The following NPAS3 variants were observed in gnomAD, a reference collection of about 807,000 sequenced individuals.
The protein encoded by NPAS3 is neuronal PAS domain protein 3.
Under a neutral mutation model 73.1 loss-of-function variants are expected in NPAS3, and 14 were observed. The observed-to-expected ratio is 0.19, with a 90% confidence interval of 0.13 to 0.30. The LOEUF is 0.30. Among genes scored for constraint, NPAS3 ranks in the 10% least tolerant of loss-of-function variants. The pLI, the probability that NPAS3 is intolerant of heterozygous loss-of-function variation, is 1.00. For synonymous variants in NPAS3, 620 were observed against 541.5 expected (o/e 1.14, Z -2.01); for missense variants, 1,096 against 1,250.0 (o/e 0.88, Z 1.86).
chr14:33,587,155 T>C (rs1160350028), intron 5 of NPAS3, among the ~76,000 whole-genome samples: 1 of 152,222 alleles, frequency 6.6e-6, no homozygotes, highest in Non-Finnish European at 1.5e-5. Context: ...TTGTGCCCTT[T>C]ATTCTTCTCC....
At chr14:33,757,733 T>C (rs2062159859) in intron 7 of NPAS3, among the ~76,000 whole-genome samples, 1 of 152,140 alleles carries the variant, frequency 6.6e-6, no homozygotes, top group Non-Finnish European at 1.5e-5. Flanking sequence ...CCAAGAGAAG[T>C]GATGCACTCC....
chr14:33,330,814 G>A (rs1327123474), intron 3 of NPAS3, among the ~76,000 whole-genome samples: 1 of 152,194 alleles, frequency 6.6e-6, no homozygotes, highest in East Asian at 1.9e-4. Flanking sequence ...ATTTGTTTGT[G>A]AGGACAAAGA....
intron 1 of NPAS3, among the ~76,000 whole-genome samples, chr14:32,998,133 T>C (rs1298120): frequency 0.33 from 49,673 of 152,046 alleles, 8,679 homozygotes; most frequent in African/African-American, 0.46. Flanking sequence ...GCCCAAATGC[T>C]CATCAACAGA....
chr14:33,329,908 T>C (rs2043903430), intron 3 of NPAS3, among the ~76,000 whole-genome samples: 5 of 152,250 alleles, frequency 3.3e-5, no homozygotes, highest in East Asian at 1.9e-4. Context: ...TCTGTAGCAA[T>C]GAGCAGTCTT....
intron 7 of NPAS3, among the ~76,000 whole-genome samples, chr14:33,746,727 G>A (rs2061811627): frequency 6.6e-6 from 1 of 151,580 alleles, no homozygotes; most frequent in Non-Finnish European, 1.5e-5. Flanking sequence ...AACAGTAGGT[G>A]AAAAAACATA....
At chr14:33,478,839 G>T (rs1410024420) in intron 4 of NPAS3, among the ~76,000 whole-genome samples, 1 of 152,156 alleles carries the variant, frequency 6.6e-6, no homozygotes, top group Non-Finnish European at 1.5e-5. Context: ...GAGGTCCAGG[G>T]TTGAAAAGCC....
chr14:33,774,610 T>C, intron 8 of NPAS3, 80 bp downstream of exon 8: 2 of 1,155,516 alleles, frequency 1.7e-6, no homozygotes, highest in Admixed American at 3.5e-5. Flanking sequence ...TGAAGGATGG[T>C]ACTCTCCCAG....
At chr14:33,566,258 T>A (rs974860910) in intron 5 of NPAS3, among the ~76,000 whole-genome samples, 9 of 151,758 alleles carry the variant, frequency 5.9e-5, no homozygotes, top group African/African-American at 2.2e-4. Flanking sequence ...GATGCATCAT[T>A]TGACTGCATG....
intron 3 of NPAS3, among the ~76,000 whole-genome samples, chr14:33,259,847 G>A (rs1424318036): frequency 1.1e-5 from 1 of 94,302 alleles, no homozygotes. Context: ...ATAATAAGCA[G>A]CAGCAGCATC....
chr14:33,330,515 G>A (rs1485883593), intron 3 of NPAS3, among the ~76,000 whole-genome samples: 4 of 152,186 alleles, frequency 2.6e-5, no homozygotes, highest in East Asian at 1.9e-4. Context: ...TAATGATCTC[G>A]TTAGAGTTCA....
At chr14:33,493,040 G>C (rs2051979659) in intron 4 of NPAS3, among the ~76,000 whole-genome samples, 1 of 152,110 alleles carries the variant, frequency 6.6e-6, no homozygotes, top group African/African-American at 2.4e-5. Flanking sequence ...GACCTGATGA[G>C]GGGAGTTTTA....
At chr14:33,487,890 ATTATTT>A (rs2051690286) in intron 4 of NPAS3, among the ~76,000 whole-genome samples, 1 of 152,156 alleles carries the variant, frequency 6.6e-6, no homozygotes, top group African/African-American at 2.4e-5. Context: ...TTACTGAATA[ATTATTT>A]CTGATACACT....
chr14:33,117,831 A>G (rs2043115945), intron 2 of NPAS3, among the ~76,000 whole-genome samples: 1 of 152,130 alleles, frequency 6.6e-6, no homozygotes, highest in Non-Finnish European at 1.5e-5. Context: ...CAGCAAATTG[A>G]TTATTTACTG....
At chr14:33,643,393 A>ACC (rs1567081558) in intron 5 of NPAS3, among the ~76,000 whole-genome samples, 2 of 146,954 alleles carry the variant, frequency 1.4e-5, no homozygotes, top group Non-Finnish European at 3.0e-5. Context: ...AAAAAAAAAA[A>ACC]AAAAACGAGA....
intron 1 of NPAS3, among the ~76,000 whole-genome samples, chr14:33,014,193 G>A (rs756822554): frequency 3.9e-5 from 6 of 152,092 alleles, no homozygotes; most frequent in Non-Finnish European, 8.8e-5. Flanking sequence ...ATATTAAAAT[G>A]TTATGCTGTC....
At chr14:33,662,041 C>T (rs115079215) in intron 5 of NPAS3, among the ~76,000 whole-genome samples, 4 of 152,334 alleles carry the variant, frequency 2.6e-5, no homozygotes, top group Non-Finnish European at 2.9e-5. Flanking sequence ...GAAGGCACAA[C>T]ACTATAGGTG....
chr14:33,066,717 C>T (rs541014301), intron 2 of NPAS3, among the ~76,000 whole-genome samples: 3 of 152,202 alleles, frequency 2.0e-5, no homozygotes, highest in Admixed American at 2.0e-4. Flanking sequence ...TTTATTCTGC[C>T]GTCAAAAGGA....
chr14:33,004,817 C>CTTTTTTTTTTTTTTTTT lies in NPAS3; in HGVS notation c.51-51085_51-51069dup. On this transcript the variant is annotated intron_variant, in intron 1 of 11. Coordinates refer to ENST00000356141, the Ensembl canonical transcript of NPAS3. ...CTTTTTTCTATTGTAAAAAGTTTTC[C>CTTTTTTTTTTTTTTTTT]TTTTTTTTTTTTTTTTTTTAGTTTT... Among the ~76,000 whole-genome samples, 431 of 63,828 alleles carry CTTTTTTTTTTTTTTTTT rather than the reference C, an allele frequency of 6.8e-3. 46 individuals carry two copies. The highest frequency in any genetic ancestry group is 0.012 in the Middle Eastern group (1 of 86). The allele number at this position is 63,828 out of a possible 152,430, so 41.9% of individuals were successfully genotyped here. A position where few individuals can be genotyped will look rare whatever the true frequency, so the allele number is the denominator to read the frequency against.
intron 5 of NPAS3, among the ~76,000 whole-genome samples, chr14:33,669,136 C>CTT (rs1259968926): frequency 1.3e-5 from 2 of 151,964 alleles, no homozygotes; most frequent in African/African-American, 4.8e-5. Context: ...AAAGTGACAT[C>CTT]TTTCTTACTA....
Sources: gnomAD v4.1 joint callset for allele counts (sites outside exome capture counted in the v4.1 genomes callset) on GRCh38, gnomAD v4.1.1 for gene constraint, MANE v1.5 for transcripts, NCBI Gene and HGNC (gene_info 2026-07-23, HGNC 2026-07-21) for gene names.